PLCH1: variants seen among roughly 807,000 people sequenced by gnomAD.
The protein encoded by PLCH1 is phospholipase C eta 1, also known as 1-phosphatidylinositol 4,5-bisphosphate phosphodiesterase eta-1.
PLCH1 carries 60 observed loss-of-function variants against 126.7 expected under a neutral mutation model. The observed-to-expected ratio is 0.47, with a 90% CI of 0.38 to 0.59. The LOEUF (loss-of-function observed/expected upper bound fraction) is 0.59. PLCH1 is among the 20% of genes least tolerant of loss of function. The pLI, the probability that PLCH1 is intolerant of heterozygous loss-of-function variation, is 0.00. For synonymous variants in PLCH1, 719 were observed against 734.9 expected (o/e 0.98, Z 0.35); for missense variants, 1,723 against 2,040.0 (o/e 0.84, Z 2.99).
intron 4 of PLCH1, among the ~76,000 whole-genome samples, chr3:155,590,453 C>CT (rs1731988823): frequency 6.6e-6 from 1 of 152,058 alleles, no homozygotes; most frequent in East Asian, 1.9e-4. Context: ...TGGCGGGCGC[C>CT]TGTAGTCCCA....
chr3:155,564,199 A>G (rs1728008897), intron 8 of PLCH1, among the ~76,000 whole-genome samples: 1 of 152,198 alleles, frequency 6.6e-6, no homozygotes. Flanking sequence ...TTACTCCTGT[A>G]TACTCACCAC....
chr3:155,470,988 A>G lies in PLCH1; in HGVS notation c.2938+14368T>C, dbSNP rs567753645. On this transcript the variant is annotated intron_variant, in intron 21 of 21. Transcript: ENST00000494598. ...TGCAAAATCATGCCAAAATGTAAAG[A>G]CCATCGAGACTAGGAAGAAAGTGCA... 1.4e-4 allele frequency among the ~76,000 whole-genome samples: 21 copies of G among 152,146 alleles called. 1 individual carries two copies. The highest frequency in any genetic ancestry group is 1.4e-3 in the Admixed American group (21 of 15,288).
intron 1 of PLCH1, among the ~76,000 whole-genome samples, chr3:155,713,791 G>C (rs892279581): frequency 1.3e-5 from 2 of 152,086 alleles, no homozygotes; most frequent in Admixed American, 1.3e-4. Context: ...AAAAGGGATG[G>C]CAGTGAATGA....
intron 1 of PLCH1, among the ~76,000 whole-genome samples, chr3:155,744,545 C>T (rs1749850341): frequency 6.6e-6 from 1 of 152,140 alleles, no homozygotes; most frequent in Admixed American, 6.5e-5. Flanking sequence ...CGAAACGCCA[C>T]CCACCACCAC....
chr3:155,619,122 C>A (rs1028095525), intron 2 of PLCH1, among the ~76,000 whole-genome samples: 1 of 150,962 alleles, frequency 6.6e-6, no homozygotes, highest in African/African-American at 2.5e-5. Context: ...ACACTGAGAG[C>A]CCCCAGAACT....
At chr3:155,596,869 T>G (rs1733047559) in intron 2 of PLCH1, among the ~76,000 whole-genome samples, 1 of 152,242 alleles carries the variant, frequency 6.6e-6, no homozygotes. Flanking sequence ...TTGTGATGTT[T>G]GAAAATAGCT....
At chr3:155,723,560 G>T (rs1487318254) in intron 1 of PLCH1, among the ~76,000 whole-genome samples, 1 of 151,952 alleles carries the variant, frequency 6.6e-6, no homozygotes, top group Non-Finnish European at 1.5e-5. Flanking sequence ...TTTGATTTAG[G>T]TATTTAATGC....
At chr3:155,652,363 AT>A (rs1740806475) in intron 2 of PLCH1, among the ~76,000 whole-genome samples, 1 of 152,194 alleles carries the variant, frequency 6.6e-6, no homozygotes, top group African/African-American at 2.4e-5. Context: ...GACTAAGATT[AT>A]TATCCACCAG....
intron 2 of PLCH1, among the ~76,000 whole-genome samples, chr3:155,692,009 A>C (rs1354338882): frequency 2.6e-5 from 4 of 151,634 alleles, no homozygotes; most frequent in Non-Finnish European, 5.9e-5. Flanking sequence ...CCAACCTGGC[A>C]ACAGAGCGAG....
intron 2 of PLCH1, among the ~76,000 whole-genome samples, chr3:155,668,084 CAAA>C (rs756879174): frequency 2.6e-5 from 1 of 38,006 alleles, no homozygotes; most frequent in Non-Finnish European, 5.0e-5. Context: ...GACTCCATCT[CAAA>C]AAAAAAAAAA....
In PLCH1 at chr3:155,674,455, T is replaced by C. The variant is rs78583634; in HGVS notation, c.79+29691A>G. On this transcript the variant is annotated intron_variant, in intron 2 of 22. Transcript: ENST00000460012. Reference sequence around the variant, plus strand: ...TCTATCAATTTCACACACTCAGATATAGAGTTGATCTGCATAATTCAAGAT... The same window carrying C: ...TCTATCAATTTCACACACTCAGATACAGAGTTGATCTGCATAATTCAAGAT... 5.9e-5 allele frequency among the ~76,000 whole-genome samples: 9 copies of C among 152,290 alleles called. No individual in the cohort carries two copies. The East Asian group carries it at 1.7e-3, about 29-fold the overall frequency.
intron 9 of PLCH1, among the ~76,000 whole-genome samples, chr3:155,552,998 T>C (rs1051954932): frequency 6.6e-6 from 1 of 152,206 alleles, no homozygotes; most frequent in South Asian, 2.1e-4. Flanking sequence ...CAGAATGAGA[T>C]GCTGAGTTCC....
At chr3:155,653,322 C>A (rs563873940) in intron 2 of PLCH1, among the ~76,000 whole-genome samples, 18 of 152,264 alleles carry the variant, frequency 1.2e-4, no homozygotes, top group African/African-American at 4.3e-4. Context: ...CTGACTTGAC[C>A]ACCTAGTTTT....
chr3:155,635,839 G>C (rs899869032), intron 2 of PLCH1, among the ~76,000 whole-genome samples: 1 of 152,162 alleles, frequency 6.6e-6, no homozygotes, highest in African/African-American at 2.4e-5. Flanking sequence ...TTACTGTTTA[G>C]ATACTTTTGG....
At chr3:155,596,152 C>A in intron 3 of PLCH1, 80 bp downstream of exon 3, 1 of 1,010,948 alleles carries the variant, frequency 9.9e-7, no homozygotes, top group Non-Finnish European at 1.5e-6. Flanking sequence ...TTCCACAGAT[C>A]TGAAGCTTCA....
intron 21 of PLCH1, among the ~76,000 whole-genome samples, chr3:155,469,086 A>C (rs757460458): frequency 3.9e-5 from 6 of 152,180 alleles, no homozygotes; most frequent in Non-Finnish European, 4.4e-5. Context: ...AGATGGCCGA[A>C]TAGGAACAGC....
At chr3:155,517,278 G>T (rs1256408919) in intron 11 of PLCH1, among the ~76,000 whole-genome samples, 3 of 152,160 alleles carry the variant, frequency 2.0e-5, no homozygotes, top group Non-Finnish European at 4.4e-5. Context: ...CATCACTCCA[G>T]CCTGAGCCAC....
chr3:155,676,114 CA>C, intron 2 of PLCH1: 1 of 1,406,226 alleles, frequency 7.1e-7, no homozygotes, highest in Middle Eastern at 1.8e-4. Context: ...TTTCCTGATA[CA>C]CATTTCCAAA....
chr3:155,639,038 T>C (rs557444038), intron 2 of PLCH1, among the ~76,000 whole-genome samples: 1 of 152,338 alleles, frequency 6.6e-6, no homozygotes, highest in African/African-American at 2.4e-5. Context: ...TGCATCTCTA[T>C]ATTACAGCAC....
Sources: allele counts gnomAD v4.1 joint callset (sites outside exome capture counted in the v4.1 genomes callset), GRCh38; gene constraint gnomAD v4.1.1; transcripts MANE v1.5; gene names NCBI Gene and HGNC (gene_info 2026-07-23, HGNC 2026-07-21).